WNT2: variants seen among roughly 807,000 people sequenced by gnomAD.
WNT2 encodes protein Wnt-2.
Under a neutral mutation model 36.9 loss-of-function variants are expected in WNT2, and 12 were observed. That is an observed-to-expected ratio of 0.33 (90% confidence interval 0.21 to 0.53). The LOEUF is 0.53. Ranked by LOEUF, WNT2 falls within the 20% of genes least tolerant of loss-of-function variation. The pLI is 0.95. For missense variants in WNT2, 379 were observed against 473.1 expected, an observed-to-expected ratio of 0.80 and a Z score of 1.84; for synonymous variants, 163 against 174.6, an observed-to-expected ratio of 0.93 and a Z score of 0.52.
chr7:117,305,391 A>G (rs1040480413), intron 3 of WNT2, among the ~76,000 whole-genome samples: 2 of 151,998 alleles, frequency 1.3e-5, no homozygotes, highest in Admixed American at 1.3e-4. Context: ...GTGGGTGTCA[A>G]TATTATGTTT....
chr7:117,294,804 G>A (rs1794758159), intron 4 of WNT2, among the ~76,000 whole-genome samples: 1 of 152,140 alleles, frequency 6.6e-6, no homozygotes, highest in African/African-American at 2.4e-5. Flanking sequence ...TGAAAAGACA[G>A]CCACAGCCAG....
At chr7:117,278,437 T>C (rs375030106) in intron 4 of WNT2, 53 bp from the exon 5 acceptor site, 2 of 1,540,680 alleles carry the variant, frequency 1.3e-6, no homozygotes, top group Non-Finnish European at 1.8e-6. Flanking sequence ...GAATCCAATA[T>C]GCCTCCAGAG....
intron 2 of WNT2, among the ~76,000 whole-genome samples, chr7:117,318,751 A>G (rs1178599563): frequency 6.6e-6 from 1 of 152,162 alleles, no homozygotes; most frequent in Non-Finnish European, 1.5e-5. Flanking sequence ...GCCTCAAGTG[A>G]TCTGCCCACC....
At chr7:117,320,972 G>A (rs1189520937) in intron 1 of WNT2, among the ~76,000 whole-genome samples, 179 bp from the exon 2 acceptor site, 1 of 152,192 alleles carries the variant, frequency 6.6e-6, no homozygotes, top group Non-Finnish European at 1.5e-5. Flanking sequence ...GGCAAGGCAG[G>A]CAGGCGTAGT....
At position 117,277,801 on chromosome 7, in the gene WNT2, T is replaced by G. The variant is rs1373503998; in HGVS notation, c.*354A>C. On this transcript the variant is annotated 3_prime_UTR_variant, in exon 5 of 5. Transcript: ENST00000265441. ...TGAGAAAGCTCCTTTGAGACACTTT[T>G]TTTTCTGCTTGGCCAACTGCTCTAG... The G allele has an allele frequency of 1.3e-5, 3 of 228,448 alleles. No individual in the cohort carries two copies. Among genetic ancestry groups the G allele is most frequent in the African/African-American group, 6.7e-5 (3 of 44,734 alleles). The allele number at this position is 228,448 out of a possible 1,614,324, so 14.2% of individuals were successfully genotyped here. A position where few individuals can be genotyped will look rare whatever the true frequency, so the allele number is the denominator to read the frequency against.
At chr7:117,320,856 T>C in intron 1 of WNT2, 63 bp from the exon 2 acceptor site, 2 of 1,434,988 alleles carry the variant, frequency 1.4e-6, no homozygotes, top group Non-Finnish European at 1.9e-6. Flanking sequence ...GGCTCAGTGT[T>C]CCTGGGAGAC....
At position 117,305,771 on chromosome 7, in the gene WNT2, C is replaced by T. The variant is rs1795003471; in HGVS notation, c.589-7895G>A. 2.0e-5 allele frequency among the ~76,000 whole-genome samples: 3 copies of T among 152,238 alleles called. No homozygotes were observed. The South Asian group carries it at 6.2e-4, about 32-fold the overall frequency. On this transcript the variant is annotated intron_variant, in intron 3 of 4. Transcript: ENST00000265441. ...CACTACAGCTTTGAACTCCTGGGCT[C>T]GAGTGATCCTCCTACCTCAGCCTCC...
At chr7:117,311,961 G>A (rs1288638553) in intron 3 of WNT2, among the ~76,000 whole-genome samples, 1 of 152,100 alleles carries the variant, frequency 6.6e-6, no homozygotes, top group East Asian at 1.9e-4. Flanking sequence ...GCACCTTTTA[G>A]GGAAAGTATT....
intron 2 of WNT2, among the ~76,000 whole-genome samples, chr7:117,319,527 G>C (rs990013564): frequency 6.7e-6 from 1 of 148,972 alleles, no homozygotes; most frequent in African/African-American, 2.5e-5. Flanking sequence ...GGAATTGGGG[G>C]GGGGGGTAGG....
At chr7:117,286,652 C>T (rs1794585410) in intron 4 of WNT2, among the ~76,000 whole-genome samples, 1 of 152,156 alleles carries the variant, frequency 6.6e-6, no homozygotes. Context: ...ATTAATGACA[C>T]AGATTTATTG....
At chr7:117,281,779 G>A (rs1245538224) in intron 4 of WNT2, among the ~76,000 whole-genome samples, 1 of 152,152 alleles carries the variant, frequency 6.6e-6, no homozygotes, top group Non-Finnish European at 1.5e-5. Flanking sequence ...ATTGAATTAA[G>A]GAGTAGAGGG....
chr7:117,278,154 G>A lies in WNT2; in HGVS notation c.*1C>T, dbSNP rs756848111. ...AAGGTGGATGGTGACGCCTGCTGGG[G>A]TCATGTAGCGGTTGTCCAGTCAGCG... On this transcript the variant is annotated 3_prime_UTR_variant, in exon 5 of 5. Transcript: ENST00000265441. 3.7e-6 allele frequency: 6 copies of A among 1,614,164 alleles called. No individual in the cohort carries two copies. In the South Asian group the frequency reaches 4.4e-5, roughly 12 times the overall value.
rs972329071 is a variant in WNT2 at position 117,322,202 on chromosome 7, A to AAAAT, written c.83+701_83+704dup. Reference sequence around the variant, plus strand: ...TGGTTCAACATTCCATCACTATGCAAAAATAAATAAATAAATTGCAGACCA... The same window carrying AAAAT: ...TGGTTCAACATTCCATCACTATGCAAAAATAAATAAATAAATAAATTGCAGACCA... On this transcript the variant is annotated intron_variant, in intron 1 of 4. Transcript: ENST00000265441. This position sits in a 1 kb window ranked among gnomAD's most constrained non-coding sequence, Gnocchi z 5.4. The AAAAT allele has an allele frequency of 2.0e-5, 3 of 152,194 alleles. No homozygotes were observed. The highest frequency in any genetic ancestry group is 4.8e-5 in the African/African-American group (2 of 41,426). The allele number at this position is 152,194 out of a possible 1,614,324, so 9.4% of individuals were successfully genotyped here.
At chr7:117,319,644 C>T (rs1047221816) in intron 2 of WNT2, among the ~76,000 whole-genome samples, 11 of 151,970 alleles carry the variant, frequency 7.2e-5, no homozygotes, top group Non-Finnish European at 1.5e-4. Context: ...CTGGAGAATG[C>T]TAATAATGCC....
At chr7:117,303,955 CA>C (rs1794962495) in intron 3 of WNT2, among the ~76,000 whole-genome samples, 1 of 152,174 alleles carries the variant, frequency 6.6e-6, no homozygotes, top group Non-Finnish European at 1.5e-5. Flanking sequence ...CCTCTTGTGC[CA>C]ACCAGGACTG....
intron 4 of WNT2, among the ~76,000 whole-genome samples, chr7:117,295,078 G>A (rs1396777084): frequency 6.6e-6 from 1 of 152,162 alleles, no homozygotes; most frequent in Non-Finnish European, 1.5e-5. Context: ...CCAACAGAGC[G>A]AGACTCTGTC....
At chr7:117,299,815 A>G (rs1794867608) in intron 3 of WNT2, among the ~76,000 whole-genome samples, 1 of 152,140 alleles carries the variant, frequency 6.6e-6, no homozygotes, top group Non-Finnish European at 1.5e-5. Flanking sequence ...CCTTTCTAGT[A>G]TTGAATTTCC....
rs1306925025 is a variant in WNT2 at position 117,278,224 on chromosome 7, G to T, written c.1014C>A (p.Asp338Glu). ...TGTGCACATCCAGAGCTTCCAGGCA[G>T]TCCTGACAGCGCACGGCGCAGCACC... ...FHWCCAVRCQ[D>E]CLEALDVHTC... Residue 338 changes from aspartate to glutamate, a missense_variant, in exon 5 of 5, where the codon GAC becomes GAA. Physicochemically the swap from Asp to Glu is conservative, Grantham distance 45 (BLOSUM62 2). Coordinates refer to ENST00000265441, the MANE Select transcript of WNT2 (RefSeq NM_003391.3). 1 of 1,614,252 alleles carries T rather than the reference G, an allele frequency of 6.2e-7. No homozygotes were observed. The highest frequency in any genetic ancestry group is 1.1e-5 in the South Asian group (1 of 91,082).
chr7:117,313,784 G>C (rs1795165675), intron 3 of WNT2, among the ~76,000 whole-genome samples: 1 of 152,156 alleles, frequency 6.6e-6, no homozygotes, highest in Non-Finnish European at 1.5e-5. Flanking sequence ...ATAGTTGTAG[G>C]ATTGCACAAC....
Sources: allele counts gnomAD v4.1 joint callset (sites outside exome capture counted in the v4.1 genomes callset), GRCh38; gene constraint gnomAD v4.1.1; non-coding constraint Gnocchi (gnomAD v3.1); transcripts MANE v1.5; gene names NCBI Gene and HGNC (gene_info 2026-07-23, HGNC 2026-07-21).